Variants in ARIH1 observed in about 807,000 individuals in gnomAD.
The protein encoded by ARIH1 is E3 ubiquitin-protein ligase ARIH1.
A neutral mutation model predicts 85.0 loss-of-function variants in ARIH1; 8 were observed. The observed-to-expected ratio is 0.09, with a 90% CI of 0.06 to 0.17. The LOEUF (loss-of-function observed/expected upper bound fraction) is 0.17, where lower values mean the gene tolerates loss of function less well. ARIH1 is among the 10% of genes least tolerant of loss of function. The pLI, the probability that ARIH1 is intolerant of heterozygous loss-of-function variation, is 1.00. For missense variants in ARIH1, 311 were observed against 718.1 expected (o/e 0.43, Z 6.48); for synonymous variants, 238 against 253.6 (o/e 0.94, Z 0.59).
intron 5 of ARIH1, 123 bp downstream of exon 5, chr15:72,556,030 G>A (rs915521463): frequency 1.6e-5 from 12 of 761,922 alleles, no homozygotes; most frequent in South Asian, 3.5e-5. Context: ...TTTAATCTGC[G>A]TTCCTTAGTA....
chr15:72,565,348 C>T (rs1382678135), intron 7 of ARIH1, among the ~76,000 whole-genome samples: 1 of 152,182 alleles, frequency 6.6e-6, no homozygotes, highest in Non-Finnish European at 1.5e-5. Context: ...CCTCGGCCCT[C>T]CCTAAGTGCT....
chr15:72,495,126 C>G (rs935021670), intron 1 of ARIH1, among the ~76,000 whole-genome samples: 3 of 152,010 alleles, frequency 2.0e-5, no homozygotes, highest in African/African-American at 7.3e-5. Context: ...TCACGATAGC[C>G]CTTATACTGT....
chr15:72,581,100 T>A, intron 12 of ARIH1, 109 bp downstream of exon 12: 1 of 1,129,978 alleles, frequency 8.8e-7, no homozygotes, highest in Non-Finnish European at 1.3e-6. Context: ...TCAGAACATG[T>A]AGGTAGACGA....
At chr15:72,494,196 A>T (rs1271622115) in intron 1 of ARIH1, among the ~76,000 whole-genome samples, 2 of 152,182 alleles carry the variant, frequency 1.3e-5, no homozygotes, top group Admixed American at 6.6e-5. Flanking sequence ...TTATCAGCTG[A>T]GATTTCTTTA....
intron 4 of ARIH1, 123 bp from the exon 5 acceptor site, chr15:72,555,729 A>T: frequency 1.3e-6 from 1 of 779,948 alleles, no homozygotes; most frequent in East Asian, 2.6e-5. Context: ...TTAAGGAGAA[A>T]GGGAAGGATT....
chr15:72,561,622 AT>A (rs1377332709), intron 6 of ARIH1, 73 bp downstream of exon 6: 1 of 890,666 alleles, frequency 1.1e-6, no homozygotes, highest in Non-Finnish European at 1.7e-6. Context: ...AAAAATTATA[AT>A]TTATTGACAG....
chr15:72,493,269 T>TGGG (rs143620557), intron 1 of ARIH1, among the ~76,000 whole-genome samples: 1 of 151,710 alleles, frequency 6.6e-6, no homozygotes, highest in Non-Finnish European at 1.5e-5. Context: ...TAACACTTTT[T>TGGG]GGGGGGGGAG....
chr15:72,525,083 G>T (rs1161183208), intron 2 of ARIH1, among the ~76,000 whole-genome samples: 1 of 152,038 alleles, frequency 6.6e-6, no homozygotes, highest in African/African-American at 2.4e-5. Context: ...TAGAGATGGG[G>T]TTTCATCATG....
intron 2 of ARIH1, among the ~76,000 whole-genome samples, chr15:72,526,301 C>T (rs945912580): frequency 6.6e-6 from 1 of 152,080 alleles, no homozygotes; most frequent in African/African-American, 2.4e-5. Flanking sequence ...GGGAGGTGCC[C>T]ATGGTCCCCT....
At chr15:72,527,147 T>A (rs1203556448) in intron 2 of ARIH1, among the ~76,000 whole-genome samples, 2 of 152,194 alleles carry the variant, frequency 1.3e-5, no homozygotes, top group African/African-American at 4.8e-5. Context: ...TAAACAAACT[T>A]TAAGAAGTTA....
chr15:72,475,118 G>A, intron 1 of ARIH1, 104 bp downstream of exon 1: 1 of 1,466,680 alleles, frequency 6.8e-7, no homozygotes, highest in Non-Finnish European at 9.1e-7. Context: ...GCGCAGCCTA[G>A]CCCGGTGCCT....
At chr15:72,527,569 T>C (rs1013270262) in intron 2 of ARIH1, among the ~76,000 whole-genome samples, 3 of 152,190 alleles carry the variant, frequency 2.0e-5, no homozygotes, top group South Asian at 2.1e-4. Context: ...TACAAAACTT[T>C]TGTGACAGTC....
intron 1 of ARIH1, among the ~76,000 whole-genome samples, chr15:72,503,133 AT>A (rs754690711): frequency 6.6e-6 from 1 of 152,204 alleles, no homozygotes; most frequent in African/African-American, 2.4e-5. Context: ...ACTATTTTGC[AT>A]TTAGGGTTCT....
intron 7 of ARIH1, among the ~76,000 whole-genome samples, chr15:72,566,172 C>A (rs2064219743): frequency 6.6e-6 from 1 of 152,070 alleles, no homozygotes; most frequent in African/African-American, 2.4e-5. Context: ...TGTATTAGTA[C>A]TAAATTATAT....
chr15:72,485,240 G>A (rs2140393079), intron 1 of ARIH1, among the ~76,000 whole-genome samples: 1 of 152,242 alleles, frequency 6.6e-6, no homozygotes, highest in African/African-American at 2.4e-5. Context: ...TCACCATGAG[G>A]GTAATGACAT....
intron 2 of ARIH1, among the ~76,000 whole-genome samples, chr15:72,524,856 A>G (rs1391686083): frequency 1.3e-5 from 2 of 152,152 alleles, no homozygotes; most frequent in African/African-American, 2.4e-5. Context: ...AAATAAAATA[A>G]TGATTGAATC....
intron 6 of ARIH1, 117 bp from the exon 7 acceptor site, chr15:72,563,277 T>C (rs1351950553): frequency 6.6e-6 from 5 of 762,712 alleles, no homozygotes; most frequent in South Asian, 6.4e-5. Flanking sequence ...CGGGCTGGTC[T>C]GGAGTGCTTG....
intron 3 of ARIH1, among the ~76,000 whole-genome samples, chr15:72,554,963 G>A (rs575479963): frequency 8.2e-4 from 125 of 152,190 alleles, no homozygotes; most frequent in Admixed American, 1.4e-3. Flanking sequence ...ATGTTGCCCC[G>A]CCTTCATGGT....
intron 1 of ARIH1, among the ~76,000 whole-genome samples, chr15:72,515,420 G>C (rs1294247897): frequency 6.6e-6 from 1 of 152,184 alleles, no homozygotes; most frequent in African/African-American, 2.4e-5. Context: ...TCATCTAGGA[G>C]TCAGCATCTG....
Sources: allele counts gnomAD v4.1 joint callset (sites outside exome capture counted in the v4.1 genomes callset), GRCh38; gene constraint gnomAD v4.1.1; transcripts MANE v1.5; gene names NCBI Gene and HGNC (gene_info 2026-07-23, HGNC 2026-07-21).